The following DYNLT2B variants were observed in gnomAD, a reference collection of about 807,000 sequenced individuals.
DYNLT2B encodes dynein light chain Tctex-type protein 2B.
Under a neutral mutation model 19.5 loss-of-function variants are expected in DYNLT2B, and 14 were observed. The ratio of observed to expected loss-of-function variants is 0.72; its 90% CI spans 0.47 to 1.12. DYNLT2B has a LOEUF of 1.12. Among genes scored for constraint, DYNLT2B ranks in the 50% most tolerant of loss-of-function variants. DYNLT2B has a pLI of 0.00. For synonymous variants in DYNLT2B, 70 were observed against 59.7 expected, an observed-to-expected ratio of 1.17 and a Z score of -0.79; for missense variants, 133 against 174.7, an observed-to-expected ratio of 0.76 and a Z score of 1.35.
intron 3 of DYNLT2B, among the ~76,000 whole-genome samples, chr3:196,300,255 G>T (rs1726318637): frequency 6.6e-6 from 1 of 152,190 alleles, no homozygotes; most frequent in East Asian, 1.9e-4. Context: ...CTGAGTTTGT[G>T]ATAATTTGTT....
At chr3:196,306,245 T>C in intron 3 of DYNLT2B, among the ~76,000 whole-genome samples, 1 of 103,128 alleles carries the variant, frequency 9.7e-6, no homozygotes, top group Non-Finnish European at 2.0e-5. Flanking sequence ...GACCCATCTC[T>C]GCAAAAAAAA....
Position 196,291,240 on chromosome 3 carries a change from A to G in DYNLT2B, c.*87T>C. ...CAGATTCAGTTGTCAAACTACTAAC[A>G]TCTTTATTTTGTCAAGATATTTAAC... On this transcript the variant is annotated 3_prime_UTR_variant, in exon 5 of 5. Coordinates refer to ENST00000325318, the MANE Select transcript of DYNLT2B (RefSeq NM_152773.5). 1 of 1,259,326 alleles carries G rather than the reference A, an allele frequency of 7.9e-7. No homozygotes were observed. The highest frequency in any genetic ancestry group is 1.4e-5 in the South Asian group (1 of 69,796). The allele number at this position is 1,259,326 out of a possible 1,614,324, so 78.0% of individuals were successfully genotyped here.
intron 2 of DYNLT2B, among the ~76,000 whole-genome samples, chr3:196,313,322 G>A (rs971404341): frequency 2.6e-5 from 4 of 151,406 alleles, no homozygotes; most frequent in Non-Finnish European, 4.4e-5. Context: ...TCAGCCACCC[G>A]AATAGCTGGG....
At chr3:196,292,833 A>T (rs1577384673) in intron 4 of DYNLT2B, among the ~76,000 whole-genome samples, 1 of 151,960 alleles carries the variant, frequency 6.6e-6, no homozygotes, top group South Asian at 2.1e-4. Flanking sequence ...GCCTCTACTA[A>T]TGTTTCCTGG....
At chr3:196,300,734 A>T (rs1332849270) in intron 3 of DYNLT2B, among the ~76,000 whole-genome samples, 10 of 143,006 alleles carry the variant, frequency 7.0e-5, no homozygotes, top group African/African-American at 2.7e-4. Flanking sequence ...TGTCTCCAAA[A>T]AAAAAAAAAA....
At chr3:196,295,966 C>G (rs771302715) in intron 4 of DYNLT2B, 40 bp downstream of exon 4, 2 of 1,563,676 alleles carry the variant, frequency 1.3e-6, no homozygotes, top group Non-Finnish European at 1.8e-6. Flanking sequence ...GCGGTGCCCA[C>G]GTTCTTAGAA....
intron 1 of DYNLT2B, among the ~76,000 whole-genome samples, chr3:196,316,515 C>T (rs939657650): frequency 6.6e-6 from 1 of 151,922 alleles, no homozygotes; most frequent in South Asian, 2.1e-4. Flanking sequence ...CCCTCTCCCC[C>T]AAAACAAAAT....
At chr3:196,298,123 A>G (rs1223861686) in intron 3 of DYNLT2B, 6 of 341,074 alleles carry the variant, frequency 1.8e-5, no homozygotes, top group Non-Finnish European at 5.8e-6. Flanking sequence ...TTTTATTACC[A>G]GTTTTCAACC....
chr3:196,297,724 GA>G (rs1056770580), intron 3 of DYNLT2B, among the ~76,000 whole-genome samples: 1 of 152,088 alleles, frequency 6.6e-6, no homozygotes, highest in African/African-American at 2.4e-5. Context: ...TAGTGAATGT[GA>G]CAAATGAGGA....
intron 3 of DYNLT2B, among the ~76,000 whole-genome samples, chr3:196,298,902 A>C (rs1296349707): frequency 6.6e-6 from 1 of 151,856 alleles, no homozygotes; most frequent in Non-Finnish European, 1.5e-5. Flanking sequence ...TTACTTTTTA[A>C]AATTTTTTTA....
chr3:196,294,934 G>A (rs113036761), intron 4 of DYNLT2B, among the ~76,000 whole-genome samples: 60 of 151,908 alleles, frequency 3.9e-4, no homozygotes, highest in African/African-American at 1.4e-3. Context: ...CAGAGAAGAG[G>A]TTTCACAATG....
intron 2 of DYNLT2B, 46 bp downstream of exon 2, chr3:196,316,052 G>C (rs1726782723): frequency 6.3e-7 from 1 of 1,595,492 alleles, no homozygotes; most frequent in Non-Finnish European, 8.5e-7. Flanking sequence ...GGGTAATACT[G>C]ACTCTGTGAA....
At chr3:196,313,159 A>AC in intron 2 of DYNLT2B, among the ~76,000 whole-genome samples, 1 of 152,136 alleles carries the variant, frequency 6.6e-6, no homozygotes, top group Middle Eastern at 3.4e-3. Context: ...ATGTATATGG[A>AC]CATGTAGAAG....
At chr3:196,309,449 G>A (rs1436704562) in intron 2 of DYNLT2B, among the ~76,000 whole-genome samples, 1 of 151,914 alleles carries the variant, frequency 6.6e-6, no homozygotes. Flanking sequence ...ATTTTTAGTA[G>A]AGATGGGGTT....
chr3:196,299,428 G>T (rs929212959), intron 3 of DYNLT2B, among the ~76,000 whole-genome samples: 1 of 151,692 alleles, frequency 6.6e-6, no homozygotes, highest in Non-Finnish European at 1.5e-5. Context: ...TCACCATATT[G>T]CCCAGGTTGG....
intron 3 of DYNLT2B, among the ~76,000 whole-genome samples, chr3:196,304,610 G>C (rs73212156): frequency 0.23 from 34,077 of 151,410 alleles, 5,350 homozygotes; most frequent in East Asian, 0.76. Flanking sequence ...AGAATCTCTT[G>C]AACCTGGGAG....
chr3:196,317,492 T>A (rs1726905707), intron 1 of DYNLT2B, among the ~76,000 whole-genome samples: 1 of 132,596 alleles, frequency 7.5e-6, no homozygotes, highest in Non-Finnish European at 1.6e-5. Context: ...TGTGTGTGTG[T>A]GTGTGTGTAA....
intron 3 of DYNLT2B, among the ~76,000 whole-genome samples, chr3:196,301,638 G>T (rs912605759): frequency 6.6e-6 from 1 of 151,962 alleles, no homozygotes; most frequent in Non-Finnish European, 1.5e-5. Flanking sequence ...GCTTGAACCT[G>T]GAAGGTGGAG....
At chr3:196,308,293 GGACCAGGTCAGCCCC>G (rs1184876742) in intron 2 of DYNLT2B, among the ~76,000 whole-genome samples, 3 of 151,900 alleles carry the variant, frequency 2.0e-5, no homozygotes, top group African/African-American at 7.3e-5. Context: ...GAGTAAGAGG[GGACCAGGTCAGCCCC>G]ATCTCCCCAC....
Sources: gnomAD v4.1 joint callset for allele counts (sites outside exome capture counted in the v4.1 genomes callset) on GRCh38, gnomAD v4.1.1 for gene constraint, MANE v1.5 for transcripts, NCBI Gene and HGNC (gene_info 2026-07-23, HGNC 2026-07-21) for gene names.